SORCS3: variants seen among roughly 807,000 people sequenced by gnomAD.
SORCS3 encodes the protein VPS10 domain-containing receptor SorCS3.
A neutral mutation model predicts 146.3 loss-of-function variants in SORCS3; 57 were observed. The ratio of observed to expected loss-of-function variants is 0.39; its 90% CI spans 0.31 to 0.49. SORCS3 has a LOEUF of 0.49. Ranked by LOEUF, SORCS3 falls within the 20% of genes least tolerant of loss-of-function variation. The pLI is 0.92. For synonymous variants in SORCS3, 653 were observed against 618.5 expected, an observed-to-expected ratio of 1.06 and a Z score of -0.83; for missense variants, 1,341 against 1,575.5, an observed-to-expected ratio of 0.85 and a Z score of 2.52.
intron 1 of SORCS3, among the ~76,000 whole-genome samples, chr10:104,642,271 G>C (rs973454630): frequency 9.9e-5 from 15 of 152,178 alleles, no homozygotes; most frequent in African/African-American, 3.4e-4. Flanking sequence ...TGGAGGGTCA[G>C]TTTTCCTGTT....
intron 2 of SORCS3, among the ~76,000 whole-genome samples, chr10:104,853,978 T>C (rs2133555227): frequency 6.6e-6 from 1 of 152,312 alleles, no homozygotes; most frequent in East Asian, 1.9e-4. Flanking sequence ...CCGAGATTCG[T>C]GCTGTCAGTG....
At chr10:104,844,515 A>G (rs1302661138) in intron 2 of SORCS3, among the ~76,000 whole-genome samples, 1 of 152,190 alleles carries the variant, frequency 6.6e-6, no homozygotes, top group Non-Finnish European at 1.5e-5. Context: ...CACAATTTCA[A>G]GAGTCAGTGT....
chr10:104,699,119 G>A (rs764961459), intron 1 of SORCS3, among the ~76,000 whole-genome samples: 4 of 152,090 alleles, frequency 2.6e-5, no homozygotes, highest in South Asian at 4.1e-4. Context: ...TTCCTGGGAC[G>A]TTTTGCAAAT....
chr10:104,821,305 T>G (rs925078798), intron 1 of SORCS3, among the ~76,000 whole-genome samples: 1 of 152,018 alleles, frequency 6.6e-6, no homozygotes, highest in Non-Finnish European at 1.5e-5. Flanking sequence ...GGGCCACAGA[T>G]GGAGAGATGA....
intron 21 of SORCS3, among the ~76,000 whole-genome samples, chr10:105,246,478 A>G (rs1429486318): frequency 2.6e-5 from 4 of 152,098 alleles, no homozygotes; most frequent in Non-Finnish European, 5.9e-5. Flanking sequence ...GGTTTGTTAC[A>G]TATGTAATGT....
At chr10:104,833,106 C>A (rs2018019747) in intron 1 of SORCS3, among the ~76,000 whole-genome samples, 1 of 152,172 alleles carries the variant, frequency 6.6e-6, no homozygotes, top group African/African-American at 2.4e-5. Flanking sequence ...CACAGACATG[C>A]CCATGACTGT....
At chr10:104,903,494 C>T (rs4598601) in intron 2 of SORCS3, among the ~76,000 whole-genome samples, 54,043 of 151,954 alleles carry the variant, frequency 0.36, 12,366 homozygotes, top group African/African-American at 0.65. Context: ...GGGCTTTACA[C>T]AGGAGCCTGG....
intron 14 of SORCS3, among the ~76,000 whole-genome samples, chr10:105,189,335 C>T (rs2056498911): frequency 1.3e-5 from 2 of 152,126 alleles, no homozygotes; most frequent in South Asian, 4.1e-4. Flanking sequence ...TCTGATGATT[C>T]ATTTGATCCA....
At chr10:104,813,270 G>C (rs1015669527) in intron 1 of SORCS3, among the ~76,000 whole-genome samples, 2 of 152,166 alleles carry the variant, frequency 1.3e-5, no homozygotes, top group Non-Finnish European at 2.9e-5. Flanking sequence ...CATCTGCTAA[G>C]GGTGTTTGTG....
At position 105,089,857 on chromosome 10, in the gene SORCS3, C is replaced by T; in HGVS notation, c.1093+18C>T. 1 of 1,608,878 alleles carries T rather than the reference C, an allele frequency of 6.2e-7. No individual in the cohort carries two copies. Among genetic ancestry groups the T allele is most frequent in the Non-Finnish European group, 8.5e-7 (1 of 1,175,272 alleles). ...GGATGGATGTGAGTTCTGCTACAGCCAGGCTAGGCCCAGGGAGATCTGCCT... is the reference window on the plus strand; with the variant it reads ...GGATGGATGTGAGTTCTGCTACAGCTAGGCTAGGCCCAGGGAGATCTGCCT... On this transcript the variant is annotated intron_variant, in intron 6 of 26. Coordinates refer to ENST00000369701, the MANE Select transcript of SORCS3 (RefSeq NM_014978.3).
At chr10:105,092,340 C>T (rs1171914622) in intron 6 of SORCS3, among the ~76,000 whole-genome samples, 1 of 152,088 alleles carries the variant, frequency 6.6e-6, no homozygotes, top group East Asian at 1.9e-4. Flanking sequence ...TATATTAGTT[C>T]TGTTCCATCT....
intron 5 of SORCS3, among the ~76,000 whole-genome samples, chr10:105,062,236 G>A (rs939644169): frequency 6.6e-6 from 1 of 152,154 alleles, no homozygotes; most frequent in African/African-American, 2.4e-5. Flanking sequence ...ATGTTTTTAA[G>A]AAGCATGCAG....
Position 104,810,043 on chromosome 10 carries a change from G to A in SORCS3, c.628-32749G>A, listed in dbSNP as rs370295569. Among the ~76,000 whole-genome samples the A allele has an allele frequency of 1.4e-4, 21 of 152,264 alleles. No individual in the cohort carries two copies. In the East Asian group the frequency reaches 3.5e-3, roughly 25 times the overall value. On this transcript the variant is annotated intron_variant, in intron 1 of 26. Transcript: ENST00000369701. Reference sequence around the variant, plus strand: ...TTGGACTATTTCTGAACATGCTTCCGACAGAAAGCATGTTCTTGTTTAAGC... The same window carrying A: ...TTGGACTATTTCTGAACATGCTTCCAACAGAAAGCATGTTCTTGTTTAAGC...
chr10:104,994,286 G>A (rs1487888272), intron 4 of SORCS3, among the ~76,000 whole-genome samples: 2 of 152,082 alleles, frequency 1.3e-5, no homozygotes, highest in Non-Finnish European at 2.9e-5. Flanking sequence ...TTAGGGAGGA[G>A]GTCTGACCTA....
intron 1 of SORCS3, among the ~76,000 whole-genome samples, chr10:104,647,068 A>G (rs2133235842): frequency 6.6e-6 from 1 of 152,310 alleles, no homozygotes; most frequent in African/African-American, 2.4e-5. Flanking sequence ...CTGGGATAGC[A>G]ATGATTTCAG....
At chr10:105,155,639 G>A (rs2056202091) in intron 9 of SORCS3, among the ~76,000 whole-genome samples, 1 of 152,212 alleles carries the variant, frequency 6.6e-6, no homozygotes, top group South Asian at 2.1e-4. Flanking sequence ...GGGGCTCATA[G>A]TCCCTAGATG....
intron 2 of SORCS3, among the ~76,000 whole-genome samples, chr10:104,847,036 C>A (rs942766288): frequency 6.6e-6 from 1 of 152,170 alleles, no homozygotes; most frequent in Non-Finnish European, 1.5e-5. Context: ...AGGCCATTGT[C>A]ATGTGGTAGG....
chr10:105,231,789 TCTG>T (rs1466555949), intron 20 of SORCS3, among the ~76,000 whole-genome samples: 3 of 152,184 alleles, frequency 2.0e-5, no homozygotes, highest in African/African-American at 7.2e-5. Flanking sequence ...TTTTCTTTAG[TCTG>T]CTGATGAGAT....
chr10:105,226,587 C>A (rs925447774), intron 20 of SORCS3, among the ~76,000 whole-genome samples: 1 of 151,872 alleles, frequency 6.6e-6, no homozygotes, highest in Non-Finnish European at 1.5e-5. Context: ...AGTTAGGGAG[C>A]ATTCCCTCCT....
Sources: gnomAD v4.1 joint callset for allele counts (sites outside exome capture counted in the v4.1 genomes callset) on GRCh38, gnomAD v4.1.1 for gene constraint, MANE v1.5 for transcripts, NCBI Gene and HGNC (gene_info 2026-07-23, HGNC 2026-07-21) for gene names.